Variants in ADGRV1 observed in about 807,000 individuals in gnomAD.
ADGRV1 encodes adhesion G protein-coupled receptor V1.
ADGRV1 carries 359 observed loss-of-function variants against 596.2 expected under a neutral mutation model. That is an observed-to-expected ratio of 0.60 (90% CI 0.55 to 0.66). ADGRV1 has a LOEUF of 0.66. Ranked by LOEUF, ADGRV1 falls within the 30% of genes least tolerant of loss-of-function variation. The pLI is 0.00. For missense variants in ADGRV1, 7,274 were observed against 7,575.6 expected, an observed-to-expected ratio of 0.96 and a Z score of 1.48; for synonymous variants, 2,681 against 2,679.2, an observed-to-expected ratio of 1.00 and a Z score of -0.02.
chr5:90,609,669 T>G (rs1056688952), intron 1 of ADGRV1, among the ~76,000 whole-genome samples: 6 of 152,026 alleles, frequency 3.9e-5, no homozygotes, highest in African/African-American at 1.2e-4. Context: ...TGTAATAGAA[T>G]TCAAGTAATT....
intron 18 of ADGRV1, among the ~76,000 whole-genome samples, chr5:90,652,145 C>T (rs1184191060): frequency 6.6e-6 from 1 of 152,130 alleles, no homozygotes; most frequent in Non-Finnish European, 1.5e-5. Context: ...GAAGACAAGA[C>T]TTTTATGACT....
chr5:90,662,762 TC>T (rs915620550), intron 21 of ADGRV1, among the ~76,000 whole-genome samples: 1 of 151,670 alleles, frequency 6.6e-6, no homozygotes, highest in Non-Finnish European at 1.5e-5. Context: ...CCCTTCCCCC[TC>T]CCCCCACCAC....
In ADGRV1 at chr5:90,724,922, A is replaced by G. The variant is rs372734974; in HGVS notation, c.9839A>G (p.Tyr3280Cys). Residue 3280 changes from tyrosine (Y) to cysteine (C), a missense_variant, in exon 46 of 90, where the codon TAT becomes TGT. By Grantham distance (194) the Tyr-to-Cys change is radical (BLOSUM62 -2). Around this residue, in one of 5 missense-constraint regions of ADGRV1, gnomAD observed 3,643 missense variants for 3,809.2 expected, o/e 0.96. Transcript: ENST00000405460. Reference protein sequence around the residue: ...WCFFTLENLIYGIMLRKSSVT... With the variant: ...WCFFTLENLICGIMLRKSSVT... ...TTCTTTACTTTGGAAAATTTAATAT[A>G]TGGTATAATGTTAAGAAAATCATCT... The G allele has an allele frequency of 1.9e-6, 3 of 1,610,512 alleles. No individual in the cohort carries two copies. Among genetic ancestry groups the G allele is most frequent in the Non-Finnish European group, 2.5e-6 (3 of 1,177,332 alleles).
intron 75 of ADGRV1, among the ~76,000 whole-genome samples, chr5:90,822,767 A>G (rs1379210041): frequency 6.6e-6 from 1 of 152,112 alleles, no homozygotes; most frequent in African/African-American, 2.4e-5. Flanking sequence ...ATAAGCATGG[A>G]ATGTTCTTCC....
intron 82 of ADGRV1, among the ~76,000 whole-genome samples, chr5:90,862,167 G>A (rs909283650): frequency 6.6e-6 from 1 of 152,160 alleles, no homozygotes; most frequent in Non-Finnish European, 1.5e-5. Flanking sequence ...AAAGGAAAAG[G>A]CTATAAGTAA....
intron 53 of ADGRV1, 148 bp from the exon 54 acceptor site, chr5:90,753,426 T>C (rs1037341448): frequency 1.8e-6 from 1 of 559,324 alleles, no homozygotes; most frequent in Non-Finnish European, 3.1e-6. Flanking sequence ...GAAAGACATC[T>C]GATTTGTAGA....
chr5:90,636,747 C>G (rs901635271), intron 10 of ADGRV1, among the ~76,000 whole-genome samples: 1 of 151,544 alleles, frequency 6.6e-6, no homozygotes, highest in Non-Finnish European at 1.5e-5. Flanking sequence ...CAGGTTATGA[C>G]GATTGTTAGC....
chr5:90,760,207 C>T (rs1269534371), intron 58 of ADGRV1, among the ~76,000 whole-genome samples: 2 of 142,072 alleles, frequency 1.4e-5, no homozygotes, highest in Non-Finnish European at 3.0e-5. Flanking sequence ...ACCTGGGAGG[C>T]GGAGGTTGCA....
At chr5:90,674,302 T>C (rs575242621) in intron 23 of ADGRV1, 68 bp downstream of exon 23, 8 of 1,281,480 alleles carry the variant, frequency 6.2e-6, no homozygotes, top group Middle Eastern at 1.9e-4. Context: ...TAAGAACTTC[T>C]TAAGGCACTT....
At position 90,704,443 on chromosome 5, in the gene ADGRV1, G is replaced by T; in HGVS notation, c.8341G>T (p.Glu2781Ter). Residue 2781 changes from glutamate (E) to a stop codon, truncating the protein, a stop_gained, in exon 36 of 90, where the codon GAG (glutamate) becomes TAG (stop). Coordinates refer to ENST00000405460, the MANE Select transcript of ADGRV1 (RefSeq NM_032119.4). LOFTEE classifies it high-confidence loss of function. ...TTTGTTGGATGACAACATTCCTGAGGAGAAAGAAGTATACCAAGTCATTCT... is the reference window on the plus strand; with the variant it reads ...TTTGTTGGATGACAACATTCCTGAGTAGAAAGAAGTATACCAAGTCATTCT... ...VHLLDDNIPE[E>*]KEVYQVILYD... 1 of 1,582,208 alleles carries T rather than the reference G, an allele frequency of 6.3e-7. No homozygotes were observed. Among genetic ancestry groups the T allele is most frequent in the Non-Finnish European group, 8.6e-7 (1 of 1,162,460 alleles).
At chr5:90,844,872 G>C (rs976391369) in intron 78 of ADGRV1, among the ~76,000 whole-genome samples, 1 of 152,128 alleles carries the variant, frequency 6.6e-6, no homozygotes, top group African/African-American at 2.4e-5. Context: ...ATAATGTTGG[G>C]AGTTCTTTTG....
intron 28 of ADGRV1, among the ~76,000 whole-genome samples, chr5:90,684,426 A>C (rs1745343594): frequency 6.6e-6 from 1 of 152,202 alleles, no homozygotes; most frequent in African/African-American, 2.4e-5. Context: ...AAAATTATCT[A>C]GCACACTCTA....
chr5:90,965,371 C>A, intron 83 of ADGRV1, 44 bp from the exon 84 acceptor site: 3 of 1,183,518 alleles, frequency 2.5e-6, no homozygotes, highest in Non-Finnish European at 3.8e-6. Context: ...TATTCTTCAT[C>A]GATTTTAGCA....
intron 83 of ADGRV1, among the ~76,000 whole-genome samples, chr5:90,910,302 G>A (rs990830588): frequency 2.0e-5 from 3 of 152,134 alleles, no homozygotes; most frequent in African/African-American, 7.2e-5. Flanking sequence ...AGATATAACC[G>A]AACTTCTACC....
chr5:91,087,459 G>C (rs1227332883), intron 86 of ADGRV1, among the ~76,000 whole-genome samples: 2 of 143,844 alleles, frequency 1.4e-5, no homozygotes, highest in Middle Eastern at 3.4e-3. Context: ...ACTGTGCCCG[G>C]CTAATTTTTT....
intron 19 of ADGRV1, 128 bp from the exon 20 acceptor site, chr5:90,653,081 A>G: frequency 1.2e-6 from 1 of 830,230 alleles, no homozygotes; most frequent in South Asian, 1.9e-5. Context: ...TGGTGACACT[A>G]CTTTTCATTG....
intron 86 of ADGRV1, among the ~76,000 whole-genome samples, chr5:91,095,114 G>T (rs73771171): frequency 6.6e-6 from 1 of 152,140 alleles, no homozygotes; most frequent in African/African-American, 2.4e-5. Context: ...TCTAAAATTA[G>T]ATCTGAGTAT....
rs1317058942 is a variant in ADGRV1 at position 90,725,128 on chromosome 5, A to G, written c.9949A>G (p.Ile3317Val). Residue 3317 changes from isoleucine (I) to valine (V), a missense_variant, in exon 47 of 90, where the codon ATT (isoleucine) becomes GTT (valine). Around this residue, in one of 5 missense-constraint regions of ADGRV1, gnomAD observed 3,643 missense variants for 3,809.2 expected, o/e 0.96. Coordinates refer to ENST00000405460, the MANE Select transcript of ADGRV1 (RefSeq NM_032119.4). The part of the protein sequence containing the change: ...ENPKTCEAFN[I>V]GFSPYFVITH... ...TCCTAAAACTTGTGAGGCCTTTAAT[A>G]TTGGTTTTTCTCCCTACTTTGTGAT... is the stretch of plus-strand genomic sequence containing the variant. The G allele has an allele frequency of 6.5e-7, 1 of 1,541,312 alleles. No individual in the cohort carries two copies. Among genetic ancestry groups the G allele is most frequent in the Non-Finnish European group, 8.8e-7 (1 of 1,134,476 alleles).
At chr5:90,866,294 T>G (rs1043239687) in intron 83 of ADGRV1, among the ~76,000 whole-genome samples, 15 of 139,844 alleles carry the variant, frequency 1.1e-4, no homozygotes, top group African/African-American at 3.9e-4. Flanking sequence ...ATTATAACTA[T>G]AATTTATTGT....
Sources: gnomAD v4.1 joint callset for allele counts (sites outside exome capture counted in the v4.1 genomes callset) on GRCh38, gnomAD v4.1.1 for gene constraint, gnomAD v4.1.1 regional missense constraint, MANE v1.5 for transcripts, NCBI Gene and HGNC (gene_info 2026-07-23, HGNC 2026-07-21) for gene names.